RNF157: variants seen among roughly 807,000 people sequenced by gnomAD.
RNF157 encodes the protein E3 ubiquitin ligase RNF157.
In RNF157, 55 loss-of-function variants were observed where a neutral mutation model predicts 88.3. The observed-to-expected ratio is 0.62, with a 90% CI of 0.50 to 0.78. The LOEUF (loss-of-function observed/expected upper bound fraction) is 0.78, where lower values mean the gene tolerates loss of function less well. Among genes scored for constraint, RNF157 ranks in the 30% least tolerant of loss-of-function variants. The probability of loss-of-function intolerance (pLI) is 0.00; values close to 1 mark genes in which losing one functional copy is unlikely to be tolerated. For synonymous variants in RNF157, 334 were observed against 341.2 expected (o/e 0.98, Z 0.23); for missense variants, 788 against 860.8 (o/e 0.92, Z 1.06).
intron 1 of RNF157, among the ~76,000 whole-genome samples, chr17:76,233,267 G>T (rs148554670): frequency 0.014 from 2,158 of 152,182 alleles, 53 homozygotes; most frequent in African/African-American, 0.049. Flanking sequence ...ATATTGAGTT[G>T]TAAGAGTTCT....
chr17:76,220,434 A>C (rs1023527810), intron 1 of RNF157, among the ~76,000 whole-genome samples: 1 of 151,854 alleles, frequency 6.6e-6, no homozygotes, highest in African/African-American at 2.4e-5. Context: ...TAGTAAACCA[A>C]TTCATTATTT....
intron 1 of RNF157, among the ~76,000 whole-genome samples, chr17:76,228,082 G>T (rs974073602): frequency 2.6e-5 from 4 of 151,766 alleles, no homozygotes; most frequent in East Asian, 1.9e-4. Context: ...ACTTTGTGGG[G>T]TTTTTTTCTA....
In RNF157 at chr17:76,143,617, C is replaced by T. The variant is rs2068544779; in HGVS notation, c.*1618G>A. The T allele has an allele frequency of 6.6e-6, 1 of 152,262 alleles. No homozygotes were observed. The highest frequency in any genetic ancestry group is 2.4e-5 in the African/African-American group (1 of 41,548). 9.4% of individuals were successfully genotyped at this position (152,262 alleles called of 1,614,324 possible). On this transcript the variant is annotated 3_prime_UTR_variant, in exon 19 of 19. Transcript: ENST00000269391. The stretch of plus-strand genomic sequence containing the variant: ...TTTCAGAGAGGGTTGGACGACAGGC[C>T]CCCCTCTCCATCAGGGCAGGATGTG...
At chr17:76,145,523 G>A (rs532155262) in intron 18 of RNF157, 170 bp from the exon 19 acceptor site, 6 of 577,546 alleles carry the variant, frequency 1.0e-5, no homozygotes, top group East Asian at 8.7e-5. Flanking sequence ...GAGAGAAGCA[G>A]GTGCTGACAG....
rs57077214 is a variant in RNF157, at chr17:76,195,434, G to GA, written c.207+16929dup. The stretch of plus-strand genomic sequence containing the variant: ...TGGACATTCTAAACACTGCTAGTGG[G>GA]AAAAAAAAATTGGTAGAATCACTTT... On this transcript the variant is annotated intron_variant, in intron 2 of 18. Coordinates refer to ENST00000269391, the MANE Select transcript of RNF157 (RefSeq NM_052916.3). The surrounding 1 kb of genome is among the most constrained non-coding windows in gnomAD (Gnocchi z 4.4). Among the ~76,000 whole-genome samples the GA allele has an allele frequency of 0.024, 3,588 of 151,548 alleles. 48 individuals carry two copies. The highest frequency in any genetic ancestry group is 0.031 in the Non-Finnish European group (2,099 of 67,824).
chr17:76,146,715 T>C lies in RNF157; in HGVS notation c.1922-1362A>G. 1 of 985,456 alleles carries C rather than the reference T, an allele frequency of 1.0e-6. No individual in the cohort carries two copies. Among genetic ancestry groups the C allele is most frequent in the Non-Finnish European group, 1.2e-6 (1 of 829,900 alleles). The allele number at this position is 985,456 out of a possible 1,614,324, so 61.0% of individuals were successfully genotyped here. ...ACCGCTAGGTCCTGGAGCTCCTCCA[T>C]GGGACAAAGCTCCTCCTGGGCAGGG... is the stretch of plus-strand genomic sequence containing the variant. On this transcript the variant is annotated intron_variant, in intron 18 of 18. Coordinates refer to ENST00000269391, the MANE Select transcript of RNF157 (RefSeq NM_052916.3). This position sits in a 1 kb window ranked among gnomAD's most constrained non-coding sequence, Gnocchi z 4.2.
At chr17:76,220,334 G>A (rs76892977) in intron 1 of RNF157, among the ~76,000 whole-genome samples, 3 of 146,928 alleles carry the variant, frequency 2.0e-5, no homozygotes, top group Non-Finnish European at 4.5e-5. Flanking sequence ...AGCTTCATCA[G>A]GATAATAAGG....
chr17:76,161,943 G>A lies in RNF157; in HGVS notation c.852C>T (p.Val284=), dbSNP rs753164234. Reference sequence around the variant, plus strand: ...GACAGGGCAGAATCAAGGTGTCCCGGACATCCGAGAGACACACCACACACT... The same window carrying A: ...GACAGGGCAGAATCAAGGTGTCCCGAACATCCGAGAGACACACCACACACT... ...SAECVVCLSD[V]RDTLILPCRH... Residue 284 remains valine, a synonymous_variant, in exon 10 of 19, where the codon GTC becomes GTT. Coordinates refer to ENST00000269391, the MANE Select transcript of RNF157 (RefSeq NM_052916.3). The surrounding 1 kb of genome is among the most constrained non-coding windows in gnomAD (Gnocchi z 4.6). The A allele has an allele frequency of 1.2e-6, 2 of 1,614,144 alleles. No individual in the cohort carries two copies. Among genetic ancestry groups the A allele is most frequent in the South Asian group, 2.2e-5 (2 of 91,082 alleles).
In RNF157 at chr17:76,146,924, G is replaced by T; in HGVS notation, c.1922-1571C>A. The T allele has an allele frequency of 2.0e-6, 2 of 985,440 alleles. No individual in the cohort carries two copies. The highest frequency in any genetic ancestry group is 2.4e-6 in the Non-Finnish European group (2 of 829,930). 61.0% of individuals were successfully genotyped at this position (985,440 alleles called of 1,614,324 possible). On this transcript the variant is annotated intron_variant, in intron 18 of 18. Coordinates refer to ENST00000269391, the MANE Select transcript of RNF157 (RefSeq NM_052916.3). The surrounding 1 kb of genome is among the most constrained non-coding windows in gnomAD (Gnocchi z 4.2). The stretch of plus-strand genomic sequence containing the variant: ...ACATGAAACCCTTTAATGGCATGTA[G>T]AGTCAACAGGTATAAATGGCTTATT...
rs201329858 is a variant in RNF157, at chr17:76,161,521, C to T, written c.1065+14G>A. 3.0e-5 allele frequency: 48 copies of T among 1,599,940 alleles called. No individual in the cohort carries two copies. Among genetic ancestry groups the T allele is most frequent in the East Asian group, 6.7e-5 (3 of 44,802 alleles). Reference sequence around the variant, plus strand: ...ATTTGCTTCAGAGGGGCCGTGGTTCCGAGCCCAACTTACTGGATGCTCTTC... The same window carrying T: ...ATTTGCTTCAGAGGGGCCGTGGTTCTGAGCCCAACTTACTGGATGCTCTTC... On this transcript the variant is annotated intron_variant, in intron 11 of 18. Transcript: ENST00000269391. The surrounding 1 kb of genome is among the most constrained non-coding windows in gnomAD (Gnocchi z 4.6).
At chr17:76,153,246 T>A (rs2068709604) in intron 17 of RNF157, 1 of 152,198 alleles carries the variant, frequency 6.6e-6, no homozygotes, top group African/African-American at 2.4e-5. Context: ...AAGGGGTAAC[T>A]CTAGAGCCTC....
At chr17:76,168,382 T>G (rs1284965254) in intron 3 of RNF157, among the ~76,000 whole-genome samples, 4 of 152,148 alleles carry the variant, frequency 2.6e-5, no homozygotes, top group Non-Finnish European at 5.9e-5. Flanking sequence ...TTATAATCTA[T>G]GATTATTTTT....
rs551737422 is a variant in RNF157, at chr17:76,190,238, C to A, written c.208-16448G>T. Among the ~76,000 whole-genome samples the A allele has an allele frequency of 3.3e-5, 5 of 151,652 alleles. No individual in the cohort carries two copies. The South Asian group carries it at 1.0e-3, about 32-fold the overall frequency. ...CTGGAGTGCAGTGGCACAATTTCGC[C>A]TCACTGCGACTTCCACCTCCCGGGT... is the stretch of plus-strand genomic sequence containing the variant. On this transcript the variant is annotated intron_variant, in intron 2 of 18. Transcript: ENST00000269391.
chr17:76,189,945 C>T (rs1461515478), intron 2 of RNF157, among the ~76,000 whole-genome samples: 1 of 152,184 alleles, frequency 6.6e-6, no homozygotes, highest in Non-Finnish European at 1.5e-5. Context: ...CCTTCTCCTC[C>T]AGCCCTGTAG....
At chr17:76,233,177 C>T (rs2070224267) in intron 1 of RNF157, among the ~76,000 whole-genome samples, 1 of 152,200 alleles carries the variant, frequency 6.6e-6, no homozygotes, top group Admixed American at 6.5e-5. Context: ...GCCTCAGCCT[C>T]CCAAAGTGCT....
chr17:76,177,530 G>A (rs537310816), intron 2 of RNF157, among the ~76,000 whole-genome samples: 1 of 152,004 alleles, frequency 6.6e-6, no homozygotes, highest in South Asian at 2.1e-4. Context: ...AAGGGGAAGG[G>A]GGAGAGGCGA....
intron 18 of RNF157, among the ~76,000 whole-genome samples, chr17:76,151,794 C>A (rs534835879): frequency 1.0e-3 from 159 of 152,310 alleles, no homozygotes; most frequent in African/African-American, 3.7e-3. Context: ...GGAGCCCTAA[C>A]TCGACCTCTC....
At chr17:76,168,428 A>ATTTTT (rs55760274) in intron 3 of RNF157, among the ~76,000 whole-genome samples, 2 of 141,810 alleles carry the variant, frequency 1.4e-5, no homozygotes, top group Non-Finnish European at 3.1e-5. Flanking sequence ...TGCTCATCCT[A>ATTTTT]TTTTTTTTTT....
intron 2 of RNF157, among the ~76,000 whole-genome samples, chr17:76,182,760 CATATATATAT>C (rs377581288): frequency 1.4e-4 from 13 of 93,344 alleles, no homozygotes; most frequent in African/African-American, 3.5e-4. Context: ...GGCCTCGTCT[CATATATATAT>C]ATATATATAT....
Sources: gnomAD v4.1 joint callset for allele counts (sites outside exome capture counted in the v4.1 genomes callset) on GRCh38, gnomAD v4.1.1 for gene constraint, Gnocchi (gnomAD v3.1) non-coding constraint, MANE v1.5 for transcripts, NCBI Gene and HGNC (gene_info 2026-07-23, HGNC 2026-07-21) for gene names.